CSMD3: variants seen among roughly 807,000 people sequenced by gnomAD.
The protein encoded by CSMD3 is CUB and Sushi multiple domains 3.
A neutral mutation model predicts 435.2 loss-of-function variants in CSMD3; 177 were observed. The observed-to-expected ratio is 0.41, with a 90% CI of 0.36 to 0.46. CSMD3 has a LOEUF of 0.46. CSMD3 is among the 20% of genes least tolerant of loss of function. The pLI is 0.34. For synonymous variants in CSMD3, 1,656 were observed against 1,520.5 expected, an observed-to-expected ratio of 1.09 and a Z score of -2.07; for missense variants, 4,265 against 4,504.6, an observed-to-expected ratio of 0.95 and a Z score of 1.52.
chr8:113,024,625 C>CT (rs1424053946), intron 5 of CSMD3, among the ~76,000 whole-genome samples: 4 of 152,018 alleles, frequency 2.6e-5, no homozygotes, highest in Admixed American at 1.3e-4. Flanking sequence ...CCTCTTTTGT[C>CT]TTTTTGATAG....
At chr8:112,442,385 G>C (rs1815124313) in intron 32 of CSMD3, among the ~76,000 whole-genome samples, 1 of 152,092 alleles carries the variant, frequency 6.6e-6, no homozygotes, top group Admixed American at 6.6e-5. Flanking sequence ...ACAAGGTTTA[G>C]GGACATAATC....
chr8:112,246,731 A>G (rs1029766567), intron 64 of CSMD3, among the ~76,000 whole-genome samples: 1 of 152,206 alleles, frequency 6.6e-6, no homozygotes, highest in Non-Finnish European at 1.5e-5. Flanking sequence ...ATGCAGATCT[A>G]TAAACTAAAA....
chr8:113,141,581 T>G (rs943764595), intron 4 of CSMD3, among the ~76,000 whole-genome samples: 6 of 150,990 alleles, frequency 4.0e-5, no homozygotes, highest in Non-Finnish European at 8.9e-5. Flanking sequence ...GATAAAAATT[T>G]TATACCTATA....
At chr8:113,176,142 G>A (rs2092343765) in intron 3 of CSMD3, among the ~76,000 whole-genome samples, 1 of 151,998 alleles carries the variant, frequency 6.6e-6, no homozygotes, top group South Asian at 2.1e-4. Flanking sequence ...AAAAATTTAG[G>A]TTATTTCAAA....
intron 27 of CSMD3, among the ~76,000 whole-genome samples, chr8:112,544,979 C>T (rs1178776206): frequency 1.3e-5 from 2 of 152,110 alleles, no homozygotes; most frequent in African/African-American, 2.4e-5. Context: ...CATATATACT[C>T]GTGGCATGAG....
At chr8:112,934,358 GC>G (rs1224759957) in intron 9 of CSMD3, among the ~76,000 whole-genome samples, 1 of 152,078 alleles carries the variant, frequency 6.6e-6, no homozygotes, top group Admixed American at 6.6e-5. Context: ...AGTATGTTGA[GC>G]TTTTTGGGTT....
chr8:113,193,090 A>T (rs2092608340), intron 3 of CSMD3, among the ~76,000 whole-genome samples: 1 of 151,252 alleles, frequency 6.6e-6, no homozygotes, highest in South Asian at 2.1e-4. Flanking sequence ...GGGAATACAG[A>T]CCTAGCTGCA....
chr8:112,873,202 C>A (rs2130077028), intron 10 of CSMD3, among the ~76,000 whole-genome samples: 1 of 152,024 alleles, frequency 6.6e-6, no homozygotes, highest in African/African-American at 2.4e-5. Flanking sequence ...AATCATAAAG[C>A]AGGAATTTGC....
chr8:113,205,512 C>T (rs976614213), intron 3 of CSMD3, among the ~76,000 whole-genome samples: 2 of 152,166 alleles, frequency 1.3e-5, no homozygotes, highest in African/African-American at 4.8e-5. Flanking sequence ...GTGTAGTAGG[C>T]GATACCATCT....
intron 3 of CSMD3, among the ~76,000 whole-genome samples, chr8:113,216,682 A>C (rs4565484): frequency 0.68 from 102,962 of 151,836 alleles, 36,943 homozygotes; most frequent in East Asian, 0.96. Flanking sequence ...GAAAATCACA[A>C]AAAGTGATAC....
At chr8:113,185,772 T>A (rs547145270) in intron 3 of CSMD3, among the ~76,000 whole-genome samples, 1 of 151,976 alleles carries the variant, frequency 6.6e-6, no homozygotes, top group Non-Finnish European at 1.5e-5. Flanking sequence ...TGTGCACGCG[T>A]GCGTGTATAT....
intron 16 of CSMD3, among the ~76,000 whole-genome samples, chr8:112,677,680 G>A (rs1430146236): frequency 6.6e-6 from 1 of 151,926 alleles, no homozygotes; most frequent in Non-Finnish European, 1.5e-5. Flanking sequence ...CACAATTCAA[G>A]ATATGATGTT....
At chr8:112,555,957 T>C (rs765561153) in intron 25 of CSMD3, among the ~76,000 whole-genome samples, 1 of 152,026 alleles carries the variant, frequency 6.6e-6, no homozygotes, top group African/African-American at 2.4e-5. Flanking sequence ...AATGGATTTC[T>C]GCCTCTATAA....
intron 38 of CSMD3, among the ~76,000 whole-genome samples, chr8:112,357,527 G>A (rs1826738373): frequency 6.6e-6 from 1 of 152,158 alleles, no homozygotes; most frequent in South Asian, 2.1e-4. Flanking sequence ...AAGACAATGG[G>A]GAAAATGTTT....
At chr8:112,313,808 T>C (rs1230705785) in intron 49 of CSMD3, 98 bp downstream of exon 49, 2 of 960,640 alleles carry the variant, frequency 2.1e-6, no homozygotes, top group Non-Finnish European at 3.3e-6. Context: ...GAGCTGTGAT[T>C]TGAATTCATG....
intron 11 of CSMD3, among the ~76,000 whole-genome samples, chr8:112,850,554 C>T (rs1056883804): frequency 6.6e-6 from 1 of 152,112 alleles, no homozygotes; most frequent in Non-Finnish European, 1.5e-5. Context: ...AAAATGAATA[C>T]ATATGTTGAA....
chr8:113,249,135 CTT>C (rs902287070), intron 3 of CSMD3, among the ~76,000 whole-genome samples: 13 of 152,058 alleles, frequency 8.5e-5, no homozygotes, highest in African/African-American at 2.9e-4. Flanking sequence ...TGCACAACCT[CTT>C]TTGCCTGCCG....
intron 10 of CSMD3, among the ~76,000 whole-genome samples, chr8:112,883,742 T>C (rs2081512358): frequency 6.6e-6 from 1 of 151,986 alleles, no homozygotes; most frequent in Non-Finnish European, 1.5e-5. Context: ...GTTTTATACA[T>C]GTTTTTTAAA....
At chr8:112,270,557 T>G (rs549307131) in intron 59 of CSMD3, among the ~76,000 whole-genome samples, 38 of 152,238 alleles carry the variant, frequency 2.5e-4, no homozygotes, top group Non-Finnish European at 4.0e-4. Context: ...AGCAGATACC[T>G]TACCGACTGA....
Sources: gnomAD v4.1 joint callset for allele counts (sites outside exome capture counted in the v4.1 genomes callset) on GRCh38, gnomAD v4.1.1 for gene constraint, MANE v1.5 for transcripts, NCBI Gene and HGNC (gene_info 2026-07-23, HGNC 2026-07-21) for gene names.